RNF169: variants seen among roughly 807,000 people sequenced by gnomAD.
RNF169 encodes the protein E3 ubiquitin-protein ligase RNF169.
Under a neutral mutation model 53.9 loss-of-function variants are expected in RNF169, and 24 were observed. That is an observed-to-expected ratio of 0.45 (90% CI 0.32 to 0.63). The LOEUF is 0.63. Ranked by LOEUF, RNF169 falls within the 20% of genes least tolerant of loss-of-function variation. The pLI, the probability that RNF169 is intolerant of heterozygous loss-of-function variation, is 0.04. For synonymous variants in RNF169, 396 were observed against 363.5 expected, an observed-to-expected ratio of 1.09 and a Z score of -1.02; for missense variants, 883 against 906.2, an observed-to-expected ratio of 0.97 and a Z score of 0.33.
At chr11:74,754,726 A>G (rs1285598192) in intron 1 of RNF169, among the ~76,000 whole-genome samples, 1 of 152,210 alleles carries the variant, frequency 6.6e-6, no homozygotes, top group Non-Finnish European at 1.5e-5. Context: ...AGGCTGAGGC[A>G]GGAGATTCGC....
chr11:74,763,105 G>C (rs1213239466), intron 1 of RNF169, among the ~76,000 whole-genome samples: 1 of 152,064 alleles, frequency 6.6e-6, no homozygotes, highest in African/African-American at 2.4e-5. Flanking sequence ...AAGAGAAAAT[G>C]AAAAAAGTTT....
At chr11:74,750,875 T>TTTTG (rs2034881836) in intron 1 of RNF169, among the ~76,000 whole-genome samples, 2 of 122,240 alleles carry the variant, frequency 1.6e-5, no homozygotes, top group African/African-American at 6.5e-5. Flanking sequence ...GTTTTTTTTT[T>TTTTG]TTTTTTTTTT....
In RNF169 at chr11:74,748,897, C is replaced by G; in HGVS notation, c.17C>G (p.Pro6Arg). 1.4e-6 allele frequency: 2 copies of G among 1,434,376 alleles called. No individual in the cohort carries two copies. Among genetic ancestry groups the G allele is most frequent in the Non-Finnish European group, 1.8e-6 (2 of 1,082,480 alleles). The allele number at this position is 1,434,376 out of a possible 1,614,324, so 88.9% of individuals were successfully genotyped here. The change falls in exon 1 of 6, where the codon CCG becomes CGG. Residue 6 changes from proline to arginine, a missense_variant. Pro to Arg is a moderately radical substitution (Grantham distance 103). Around this residue, in one of 3 missense-constraint regions of RNF169, gnomAD observed 313 missense variants for 279.9 expected, o/e 1.12. Transcript: ENST00000299563. ...GGAAACAAGATGGCGGCTGCAGGTC[C>G]GAGTACTCGGGCCTCTTCCGCGGCG... MAAAG[P>R]STRASSAAAA...
At chr11:74,782,941 A>G (rs527099) in intron 1 of RNF169, among the ~76,000 whole-genome samples, 39,363 of 150,154 alleles carry the variant, frequency 0.26, 5,416 homozygotes, top group South Asian at 0.42. Flanking sequence ...GTTCAAAGAC[A>G]AATAGCTAGT....
chr11:74,767,160 C>T (rs933724405), intron 1 of RNF169, among the ~76,000 whole-genome samples: 8 of 151,960 alleles, frequency 5.3e-5, no homozygotes, highest in African/African-American at 1.9e-4. Flanking sequence ...TTTTTAAAAT[C>T]TCAGGTGAAA....
chr11:74,822,292 T>C (rs1242818355), intron 4 of RNF169, among the ~76,000 whole-genome samples: 1 of 152,224 alleles, frequency 6.6e-6, no homozygotes, highest in Admixed American at 6.5e-5. Context: ...AGCAGTGTTT[T>C]GTAAGCATTA....
At chr11:74,830,649 A>C (rs577791172) in intron 4 of RNF169, 11 of 152,276 alleles carry the variant, frequency 7.2e-5, no homozygotes, top group Admixed American at 2.0e-4. Context: ...ACACTCTCCC[A>C]AAAATTAAAA....
intron 2 of RNF169, among the ~76,000 whole-genome samples, chr11:74,802,070 C>T (rs564986407): frequency 2.2e-4 from 34 of 152,266 alleles, no homozygotes; most frequent in East Asian, 2.1e-3. Context: ...GGTTCTACAG[C>T]GCTCCCAAAT....
chr11:74,805,789 T>G (rs927434338), intron 2 of RNF169, among the ~76,000 whole-genome samples: 1 of 151,656 alleles, frequency 6.6e-6, no homozygotes, highest in Admixed American at 6.6e-5. Context: ...ATATGCACAT[T>G]TTTTTTTTCA....
At chr11:74,789,014 G>C (rs931275203) in intron 1 of RNF169, among the ~76,000 whole-genome samples, 1 of 152,092 alleles carries the variant, frequency 6.6e-6, no homozygotes, top group Admixed American at 6.5e-5. Flanking sequence ...GTAACCTTGG[G>C]CTAAGTCATT....
chr11:74,785,170 TATGATA>T (rs1420325666), intron 1 of RNF169, among the ~76,000 whole-genome samples: 2 of 66,390 alleles, frequency 3.0e-5, no homozygotes, highest in African/African-American at 2.9e-4. Context: ...TATATATATA[TATGATA>T]TATATATATG....
At chr11:74,789,591 A>G in intron 1 of RNF169, 35 bp from the exon 2 acceptor site, 1 of 1,431,510 alleles carries the variant, frequency 7.0e-7, no homozygotes, top group African/African-American at 1.4e-5. Flanking sequence ...CTAGAAAGTC[A>G]TCTTAAAAAG....
rs1432424014 is a variant in RNF169, at chr11:74,754,745, G to A, written c.502+5363G>A. 3.3e-5 allele frequency among the ~76,000 whole-genome samples: 5 copies of A among 152,126 alleles called. No individual in the cohort carries two copies. The East Asian group carries it at 9.6e-4, about 29-fold the overall frequency. The stretch of plus-strand genomic sequence containing the variant: ...TGAGGCAGGAGATTCGCTTCAACCC[G>A]GGAGGTAGAGGTTGCAGTGAGCCGA... On this transcript the variant is annotated intron_variant, in intron 1 of 5. Coordinates refer to ENST00000299563, the MANE Select transcript of RNF169 (RefSeq NM_001098638.2).
intron 2 of RNF169, among the ~76,000 whole-genome samples, chr11:74,798,732 A>G (rs186727043): frequency 6.6e-6 from 1 of 152,196 alleles, no homozygotes; most frequent in African/African-American, 2.4e-5. Context: ...ACCTACTGAC[A>G]TGTGATGTTT....
intron 2 of RNF169, among the ~76,000 whole-genome samples, chr11:74,798,336 T>A (rs1278974173): frequency 6.6e-6 from 1 of 152,182 alleles, no homozygotes; most frequent in Non-Finnish European, 1.5e-5. Context: ...TGGGAGTGGG[T>A]CTCTGAACTG....
intron 4 of RNF169, among the ~76,000 whole-genome samples, chr11:74,829,611 G>C (rs917283138): frequency 2.0e-5 from 3 of 152,194 alleles, no homozygotes; most frequent in Admixed American, 2.0e-4. Flanking sequence ...TTCAGTGATA[G>C]ACCGAATAAA....
At chr11:74,832,573 T>C (rs1311509312) in intron 4 of RNF169, 1 of 152,182 alleles carries the variant, frequency 6.6e-6, no homozygotes, top group Admixed American at 6.6e-5. Context: ...CCGCCTCAGT[T>C]TGAATACCTC....
At chr11:74,824,944 A>G (rs959992791) in intron 4 of RNF169, among the ~76,000 whole-genome samples, 8 of 152,230 alleles carry the variant, frequency 5.3e-5, no homozygotes, top group African/African-American at 1.9e-4. Context: ...TAAAAAAGAA[A>G]TGATTGAGAT....
At chr11:74,823,850 A>G (rs2036053808) in intron 4 of RNF169, among the ~76,000 whole-genome samples, 1 of 152,078 alleles carries the variant, frequency 6.6e-6, no homozygotes, top group South Asian at 2.1e-4. Flanking sequence ...TTCATTGGCC[A>G]CATATGACAA....
Sources: allele counts gnomAD v4.1 joint callset (sites outside exome capture counted in the v4.1 genomes callset), GRCh38; gene constraint gnomAD v4.1.1; regional missense constraint gnomAD v4.1.1; transcripts MANE v1.5; gene names NCBI Gene and HGNC (gene_info 2026-07-23, HGNC 2026-07-21).